The following PASD1 variants were observed in gnomAD, a reference collection of about 807,000 sequenced individuals.
PASD1 encodes PAS domain containing repressor 1, also known as circadian clock protein PASD1.
PASD1 carries 13 observed loss-of-function variants against 58.8 expected under a neutral mutation model. The ratio of observed to expected loss-of-function variants is 0.22; its 90% CI spans 0.14 to 0.35. The LOEUF (loss-of-function observed/expected upper bound fraction) is 0.35. PASD1 is among the 10% of genes least tolerant of loss of function. PASD1 has a pLI of 1.00. For missense variants in PASD1, 734 were observed against 568.3 expected, an observed-to-expected ratio of 1.29 and a Z score of -2.96; for synonymous variants, 236 against 216.7, an observed-to-expected ratio of 1.09 and a Z score of -0.78.
chrX:151,602,677 C>G (rs752688576), intron 2 of PASD1, among the ~76,000 whole-genome samples: 1 of 106,334 alleles, frequency 9.4e-6, no homozygotes, highest in South Asian at 4.3e-4. Flanking sequence ...GCCTGGGAGA[C>G]AGAGCAAGAC....
intron 8 of PASD1, among the ~76,000 whole-genome samples, chrX:151,646,376 G>T (rs2014060908): frequency 8.9e-6 from 1 of 112,246 alleles, no homozygotes; most frequent in East Asian, 2.8e-4. Context: ...AAAACTTACT[G>T]CATCCTTTAA....
chrX:151,623,883 T>C (rs1385601959), intron 7 of PASD1, among the ~76,000 whole-genome samples: 1 of 111,227 alleles, frequency 9.0e-6, no homozygotes, highest in Non-Finnish European at 1.9e-5. Context: ...CAAAGTAAGT[T>C]ATGTGACCAG....
rs771359553 is a variant in PASD1 at position 151,672,528 on chromosome X, G to T, written c.1783G>T (p.Val595Leu). The T allele has an allele frequency of 8.3e-7, 1 of 1,210,257 alleles. No homozygotes were observed. The highest frequency in any genetic ancestry group is 1.1e-6 in the Non-Finnish European group (1 of 895,357). ...CCTGCAAAACCCACGTGACGTATCT[G>T]TGCCCCTCTGCAATCACCCTGTTAG... ...ICLQNPRDVSVPLCNHPVRFL... is the reference protein window; with the variant it reads ...ICLQNPRDVSLPLCNHPVRFL... Residue 595 changes from valine to leucine, a missense_variant, in exon 14 of 16, where the codon GTG becomes TTG. Transcript: ENST00000370357.
intron 3 of PASD1, among the ~76,000 whole-genome samples, chrX:151,605,065 A>G (rs923324927): frequency 2.1e-4 from 24 of 112,028 alleles, no homozygotes; most frequent in African/African-American, 7.5e-4. Flanking sequence ...GTTATACTCT[A>G]ATGAATTAGC....
At chrX:151,644,945 A>G (rs1411619353) in intron 8 of PASD1, among the ~76,000 whole-genome samples, 2 of 110,927 alleles carry the variant, frequency 1.8e-5, no homozygotes, top group African/African-American at 6.6e-5. Flanking sequence ...GAGCCACTTA[A>G]CAGGAATCCT....
chrX:151,579,323 G>A (rs1255976066), intron 1 of PASD1, among the ~76,000 whole-genome samples: 3 of 111,837 alleles, frequency 2.7e-5, no homozygotes, highest in Non-Finnish European at 5.6e-5. Flanking sequence ...TAAGGTGAGT[G>A]ACTAGAAAAA....
intron 8 of PASD1, among the ~76,000 whole-genome samples, chrX:151,638,384 G>T (rs1455801253): frequency 2.8e-5 from 3 of 107,165 alleles, no homozygotes; most frequent in Admixed American, 1.0e-4. Context: ...CATGGCACAC[G>T]TATACATATG....
chrX:151,624,135 G>T (rs1339452148), intron 7 of PASD1, among the ~76,000 whole-genome samples: 1 of 111,895 alleles, frequency 8.9e-6, no homozygotes, highest in Non-Finnish European at 1.9e-5. Flanking sequence ...GATGATAGGG[G>T]CTTGGACTAT....
At chrX:151,613,497 G>A (rs762256922) in intron 4 of PASD1, among the ~76,000 whole-genome samples, 10 of 109,120 alleles carry the variant, frequency 9.2e-5, no homozygotes, top group African/African-American at 3.4e-4. Flanking sequence ...ATTTCCTTGA[G>A]CAGTGGTTTG....
At chrX:151,672,902 A>G (rs958741334) in intron 14 of PASD1, 7 of 428,364 alleles carry the variant, frequency 1.6e-5, no homozygotes, top group South Asian at 9.2e-5. Flanking sequence ...AAAGGACTAG[A>G]TAAGGAAGCC....
intron 3 of PASD1, among the ~76,000 whole-genome samples, chrX:151,610,088 G>A (rs1433419391): frequency 9.0e-6 from 1 of 111,256 alleles, no homozygotes; most frequent in Non-Finnish European, 1.9e-5. Context: ...TAAGATTGGT[G>A]TATTTTATTA....
At chrX:151,584,838 C>T (rs2013144276) in intron 1 of PASD1, among the ~76,000 whole-genome samples, 1 of 112,068 alleles carries the variant, frequency 8.9e-6, no homozygotes, top group Admixed American at 9.5e-5. Flanking sequence ...TTTTGGTATT[C>T]TAAATTCTCA....
intron 8 of PASD1, among the ~76,000 whole-genome samples, chrX:151,630,698 C>T (rs2013856232): frequency 8.9e-6 from 1 of 112,692 alleles, no homozygotes; most frequent in Non-Finnish European, 1.9e-5. Flanking sequence ...TTTCCCTTAT[C>T]TTGGTAATTC....
intron 2 of PASD1, among the ~76,000 whole-genome samples, chrX:151,603,046 C>T (rs2013440143): frequency 8.9e-6 from 1 of 112,439 alleles, no homozygotes; most frequent in Non-Finnish European, 1.9e-5. Flanking sequence ...TCTTGATCAC[C>T]CGATCTTACG....
intron 11 of PASD1, among the ~76,000 whole-genome samples, chrX:151,667,678 A>G (rs1284470218): frequency 4.5e-5 from 5 of 112,003 alleles, no homozygotes; most frequent in African/African-American, 1.3e-4. Flanking sequence ...TTTGTCAAAG[A>G]TAAGATGGTT....
intron 8 of PASD1, among the ~76,000 whole-genome samples, chrX:151,627,326 G>A (rs1463429621): frequency 9.1e-6 from 1 of 109,823 alleles, no homozygotes; most frequent in Non-Finnish European, 1.9e-5. Flanking sequence ...TTTAACATTA[G>A]GTATATCTCC....
At chrX:151,664,726 A>G (rs2014357441) in intron 11 of PASD1, among the ~76,000 whole-genome samples, 1 of 112,059 alleles carries the variant, frequency 8.9e-6, no homozygotes, top group Non-Finnish European at 1.9e-5. Context: ...TCTAGAGGGA[A>G]GACAACTTTC....
rs72612757 is a variant in PASD1, at chrX:151,570,808, C to T, written c.-28+6969C>T. Among the ~76,000 whole-genome samples the T allele has an allele frequency of 0.027, 3,074 of 112,267 alleles. 227 individuals are homozygous for T. The East Asian group carries it at 0.33, about 12-fold the overall frequency. On this transcript the variant is annotated intron_variant, in intron 1 of 15. Transcript: ENST00000370357. ...GTCAGGACTGTGGGCTGCCAGCTGC[C>T]TTAGCTTTACTAAAAGGAGGTGGTT...
chrX:151,621,502 T>C lies in PASD1; in HGVS notation c.328T>C (p.Cys110Arg). 8.3e-7 allele frequency: 1 copy of C among 1,202,598 alleles called. No homozygotes were observed. The highest frequency in any genetic ancestry group is 1.1e-6 in the Non-Finnish European group (1 of 890,186). Reference sequence around the variant, plus strand: ...ACTAGAAACACATATTGAATTTTGCTGTCATTTAAAAAGAGGAAATGTCGA... The same window carrying C: ...ACTAGAAACACATATTGAATTTTGCCGTCATTTAAAAAGAGGAAATGTCGA... ...LNSETHIEFC[C>R]HLKRGNVEHG... The change falls in exon 6 of 16, where the codon TGT (cysteine) becomes CGT (arginine). Residue 110 changes from cysteine to arginine, a missense_variant. By Grantham distance (180) the Cys-to-Arg change is radical. Coordinates refer to ENST00000370357, the MANE Select transcript of PASD1 (RefSeq NM_173493.3).
Sources: allele counts gnomAD v4.1 joint callset (sites outside exome capture counted in the v4.1 genomes callset), GRCh38; gene constraint gnomAD v4.1.1; transcripts MANE v1.5; gene names NCBI Gene and HGNC (gene_info 2026-07-23, HGNC 2026-07-21).